The following CEP83 variants were observed in gnomAD, a reference collection of about 807,000 sequenced individuals.
CEP83 encodes centrosomal protein of 83 kDa.
CEP83 carries 70 observed loss-of-function variants against 101.9 expected under a neutral mutation model. The ratio of observed to expected loss-of-function variants is 0.69; its 90% CI spans 0.57 to 0.84. The LOEUF (loss-of-function observed/expected upper bound fraction) is 0.84, where lower values mean the gene tolerates loss of function less well. CEP83 is among the 40% of genes least tolerant of loss of function. The pLI, the probability that CEP83 is intolerant of heterozygous loss-of-function variation, is 0.00. For missense variants in CEP83, 715 were observed against 787.2 expected, an observed-to-expected ratio of 0.91 and a Z score of 1.10; for synonymous variants, 264 against 267.9, an observed-to-expected ratio of 0.99 and a Z score of 0.14.
chr12:94,303,749 T>TACC, downstream of CEP83: 1 of 1,344,376 alleles, frequency 7.4e-7, no homozygotes, highest in African/African-American at 1.6e-5. Flanking sequence ...TTTTTTTTTT[T>TACC]CCCCAGGAAG....
At chr12:94,364,228 T>C (rs372972501) in intron 11 of CEP83, among the ~76,000 whole-genome samples, 14 of 152,286 alleles carry the variant, frequency 9.2e-5, no homozygotes, top group African/African-American at 3.4e-4. Context: ...CACTGAATTG[T>C]ACACTTAAAA....
chr12:94,424,966 C>T, intron 2 of CEP83: 4 of 1,387,154 alleles, frequency 2.9e-6, no homozygotes, highest in South Asian at 2.3e-5. Context: ...CGGATAGCAG[C>T]ATTTTCTCTT....
At chr12:94,444,357 C>A (rs2066642567) in intron 1 of CEP83, among the ~76,000 whole-genome samples, 2 of 152,140 alleles carry the variant, frequency 1.3e-5, no homozygotes, top group African/African-American at 4.8e-5. Flanking sequence ...GAGATCAGGC[C>A]ATTGTACTCC....
At chr12:94,298,124 G>A in the CEP83 span, among the ~76,000 whole-genome samples, 1 of 152,222 alleles carries the variant, frequency 6.6e-6, no homozygotes, top group Non-Finnish European at 1.5e-5. Flanking sequence ...GACAGCCCAA[G>A]CCTCTTGATT....
chr12:94,453,768 C>G (rs1207306099), intron 1 of CEP83, among the ~76,000 whole-genome samples: 1 of 152,158 alleles, frequency 6.6e-6, no homozygotes. Flanking sequence ...CCCAGTCAAG[C>G]CTTGGTCTCC....
At chr12:94,386,972 G>GTTT (rs1389770432) in intron 6 of CEP83, among the ~76,000 whole-genome samples, 1 of 152,138 alleles carries the variant, frequency 6.6e-6, no homozygotes, top group Non-Finnish European at 1.5e-5. Flanking sequence ...ACAACAATCT[G>GTTT]ATGCTCAACA....
At chr12:94,380,138 G>A (rs1271275096) in intron 6 of CEP83, among the ~76,000 whole-genome samples, 1 of 150,776 alleles carries the variant, frequency 6.6e-6, no homozygotes. Flanking sequence ...AAAACCTTAG[G>A]CAAAAGTGGT....
At chr12:94,409,837 T>C (rs1457233480) in intron 4 of CEP83, among the ~76,000 whole-genome samples, 4 of 152,086 alleles carry the variant, frequency 2.6e-5, no homozygotes, top group Admixed American at 1.3e-4. Context: ...CCCATCTGTC[T>C]CCATCTCTCT....
intron 2 of CEP83, chr12:94,424,596 G>A (rs2065037029): frequency 6.2e-7 from 1 of 1,613,424 alleles, no homozygotes; most frequent in Non-Finnish European, 8.5e-7. Context: ...TTTACCATCT[G>A]TGCCTGTACA....
chr12:94,446,477 A>C (rs1039932585), intron 1 of CEP83, among the ~76,000 whole-genome samples: 21 of 152,168 alleles, frequency 1.4e-4, no homozygotes, highest in African/African-American at 5.1e-4. Context: ...TGGGAGGGCA[A>C]GGCAGGCAGA....
At position 94,357,712 on chromosome 12, in the gene CEP83, A is replaced by AC. The variant is rs1325947969; in HGVS notation, c.1343+10081dup. 3.9e-5 allele frequency among the ~76,000 whole-genome samples: 6 copies of AC among 152,304 alleles called. No individual in the cohort carries two copies. The East Asian group carries it at 1.2e-3, about 29-fold the overall frequency. On this transcript the variant is annotated intron_variant, in intron 11 of 16. Transcript: ENST00000397809. ...AGTCTGTGGACCCTTGCCAGCAGGG[A>AC]CTATAGGATTACTTTTAGGAAGGTC...
At chr12:94,400,538 T>C (rs1487777063) in intron 6 of CEP83, among the ~76,000 whole-genome samples, 1 of 152,160 alleles carries the variant, frequency 6.6e-6, no homozygotes, top group African/African-American at 2.4e-5. Flanking sequence ...ACACTAACTA[T>C]ATTTGCAGAG....
At chr12:94,323,382 C>T (rs2058832460) in intron 14 of CEP83, among the ~76,000 whole-genome samples, 1 of 152,092 alleles carries the variant, frequency 6.6e-6, no homozygotes, top group African/African-American at 2.4e-5. Flanking sequence ...ATCTCCTGAC[C>T]TGTGGGTTGC....
intron 1 of CEP83, among the ~76,000 whole-genome samples, chr12:94,440,648 C>A (rs2066334558): frequency 1.3e-5 from 2 of 151,868 alleles, no homozygotes; most frequent in Non-Finnish European, 2.9e-5. Context: ...CAATTCCCAT[C>A]AAAATACCAC....
At chr12:94,312,757 G>T (rs1236317997) in intron 15 of CEP83, 157 bp downstream of exon 15, 1 of 982,426 alleles carries the variant, frequency 1.0e-6, no homozygotes, top group African/African-American at 1.8e-5. Flanking sequence ...ATTCAGTTAG[G>T]GGGTAAAAAA....
intron 1 of CEP83, among the ~76,000 whole-genome samples, chr12:94,451,286 G>A (rs143906928): frequency 5.9e-5 from 9 of 152,102 alleles, no homozygotes; most frequent in African/African-American, 1.9e-4. Flanking sequence ...ATGAAAGTAC[G>A]TGCCACACAC....
chr12:94,353,153 CAA>C (rs1373600843), intron 11 of CEP83, among the ~76,000 whole-genome samples: 1 of 152,086 alleles, frequency 6.6e-6, no homozygotes, highest in Non-Finnish European at 1.5e-5. Context: ...GCAGATTTCT[CAA>C]GAGAAACCTT....
At chr12:94,442,094 C>A (rs138881283) in intron 1 of CEP83, among the ~76,000 whole-genome samples, 1 of 151,536 alleles carries the variant, frequency 6.6e-6, no homozygotes, top group Non-Finnish European at 1.5e-5. Flanking sequence ...TGCCCATCAA[C>A]CAATGAGTAG....
the CEP83 span, among the ~76,000 whole-genome samples, chr12:94,283,667 G>A: frequency 3.3e-5 from 5 of 152,170 alleles, no homozygotes; most frequent in Non-Finnish European, 7.3e-5. Flanking sequence ...TGATTGGTCA[G>A]GTCAGAGATG....
Sources: allele counts gnomAD v4.1 joint callset (sites outside exome capture counted in the v4.1 genomes callset), GRCh38; gene constraint gnomAD v4.1.1; transcripts MANE v1.5; gene names NCBI Gene and HGNC (gene_info 2026-07-23, HGNC 2026-07-21).